Variants in FARS2 observed in about 807,000 individuals in gnomAD.
FARS2 encodes the protein phenylalanyl-tRNA synthetase 2, mitochondrial.
A neutral mutation model predicts 46.4 loss-of-function variants in FARS2; 40 were observed. That is an observed-to-expected ratio of 0.86 (90% CI 0.67 to 1.12). The LOEUF is 1.12. Among genes scored for constraint, FARS2 ranks in the 50% most tolerant of loss-of-function variants. FARS2 has a pLI of 0.00. For synonymous variants in FARS2, 234 were observed against 214.9 expected (o/e 1.09, Z -0.78); for missense variants, 513 against 567.9 (o/e 0.90, Z 0.98).
At chr6:5,323,910 G>A (rs1770161071) in intron 1 of FARS2, among the ~76,000 whole-genome samples, 1 of 152,096 alleles carries the variant, frequency 6.6e-6, no homozygotes, top group Admixed American at 6.6e-5. Context: ...ACTCCTCCCT[G>A]ACCAGAGACA....
rs148492388 is a variant in FARS2 at position 5,321,828 on chromosome 6, G to A, written c.-21-46722G>A. Among the ~76,000 whole-genome samples, 48 of 152,160 alleles carry A rather than the reference G, an allele frequency of 3.2e-4. No individual in the cohort carries two copies. The East Asian group carries it at 4.8e-3, about 15-fold the overall frequency. ...TTAGGAAGTCAAGTAGCCGTTTCCC[G>A]GAATCTTTAGTAAAGATTAACTAGA... On this transcript the variant is annotated intron_variant, in intron 1 of 6. Transcript: ENST00000274680.
At chr6:5,505,600 G>A (rs555085913) in intron 4 of FARS2, among the ~76,000 whole-genome samples, 209 of 152,262 alleles carry the variant, frequency 1.4e-3, no homozygotes, top group African/African-American at 4.8e-3. Flanking sequence ...CACAATCCAC[G>A]TTCTTCTGCC....
At chr6:5,652,684 G>A (rs532236876) in intron 6 of FARS2, among the ~76,000 whole-genome samples, 13 of 152,366 alleles carry the variant, frequency 8.5e-5, no homozygotes, top group African/African-American at 2.6e-4. Context: ...ATGAGCGCTT[G>A]TTACCGTCCG....
At chr6:5,767,050 T>A (rs1333194623) in intron 6 of FARS2, among the ~76,000 whole-genome samples, 1 of 151,756 alleles carries the variant, frequency 6.6e-6, no homozygotes, top group Non-Finnish European at 1.5e-5. Flanking sequence ...ATTTTGTTAA[T>A]CCATCCAAAA....
intron 4 of FARS2, among the ~76,000 whole-genome samples, chr6:5,500,488 G>A (rs998266566): frequency 6.6e-5 from 10 of 152,228 alleles, no homozygotes; most frequent in African/African-American, 2.4e-4. Flanking sequence ...CCACACCAGC[G>A]GAGGGTGGGG....
At chr6:5,463,838 T>A (rs1428778893) in intron 4 of FARS2, among the ~76,000 whole-genome samples, 1 of 152,230 alleles carries the variant, frequency 6.6e-6, no homozygotes, top group Non-Finnish European at 1.5e-5. Context: ...TTCATTTTCC[T>A]TCTGGTTTAC....
At chr6:5,412,084 G>C (rs1230317983) in intron 3 of FARS2, among the ~76,000 whole-genome samples, 1 of 152,152 alleles carries the variant, frequency 6.6e-6, no homozygotes, top group Non-Finnish European at 1.5e-5. Context: ...TGGGACCCTT[G>C]GGGGAGTCAT....
chr6:5,531,063 G>C (rs1414470025), intron 4 of FARS2, among the ~76,000 whole-genome samples: 1 of 152,040 alleles, frequency 6.6e-6, no homozygotes, highest in Non-Finnish European at 1.5e-5. Flanking sequence ...TTGAGTGATA[G>C]CATCTGATGT....
chr6:5,322,525 A>C (rs1311396533), intron 1 of FARS2, among the ~76,000 whole-genome samples: 1 of 152,128 alleles, frequency 6.6e-6, no homozygotes, highest in Non-Finnish European at 1.5e-5. Flanking sequence ...AATGCATTGG[A>C]TGCATTAAGT....
intron 4 of FARS2, among the ~76,000 whole-genome samples, chr6:5,527,566 C>CATTATA (rs2150444825): frequency 6.6e-6 from 1 of 152,310 alleles, no homozygotes; most frequent in South Asian, 2.1e-4. Context: ...ATGGATATGA[C>CATTATA]TCACATTATA....
At chr6:5,555,652 G>A (rs577321672) in intron 5 of FARS2, among the ~76,000 whole-genome samples, 131 of 152,154 alleles carry the variant, frequency 8.6e-4, no homozygotes, top group Middle Eastern at 3.4e-3. Context: ...GAATCGCATC[G>A]GCTTCATTGT....
chr6:5,739,830 T>C (rs1310719184), intron 6 of FARS2, among the ~76,000 whole-genome samples: 2 of 151,382 alleles, frequency 1.3e-5, no homozygotes, highest in East Asian at 3.9e-4. Context: ...GGCAGGGGAG[T>C]TGACCTGGGT....
chr6:5,716,064 T>C (rs1759474270), intron 6 of FARS2, among the ~76,000 whole-genome samples: 1 of 152,262 alleles, frequency 6.6e-6, no homozygotes, highest in Non-Finnish European at 1.5e-5. Flanking sequence ...TGATGGCCAG[T>C]AATATTGAGA....
chr6:5,345,185 G>A (rs903657491), intron 1 of FARS2, among the ~76,000 whole-genome samples: 1 of 146,642 alleles, frequency 6.8e-6, no homozygotes, highest in Non-Finnish European at 1.5e-5. Flanking sequence ...GGCGACTAAA[G>A]AAATAATAGT....
At chr6:5,623,041 C>T (rs1297773562) in intron 6 of FARS2, among the ~76,000 whole-genome samples, 1 of 152,184 alleles carries the variant, frequency 6.6e-6, no homozygotes, top group African/African-American at 2.4e-5. Context: ...TGAGTCCTGA[C>T]TTTCACACCT....
intron 5 of FARS2, among the ~76,000 whole-genome samples, chr6:5,591,494 C>T (rs1773916053): frequency 6.6e-6 from 1 of 152,236 alleles, no homozygotes; most frequent in South Asian, 2.1e-4. Flanking sequence ...TGCCTCTGGC[C>T]TGAACGCCTC....
chr6:5,692,134 C>A (rs1044988440), intron 6 of FARS2, among the ~76,000 whole-genome samples: 1 of 152,230 alleles, frequency 6.6e-6, no homozygotes, highest in Non-Finnish European at 1.5e-5. Flanking sequence ...CCTTGTGCTT[C>A]CCGGGTGAGG....
At chr6:5,251,796 A>C in the FARS2 span, among the ~76,000 whole-genome samples, 3 of 152,194 alleles carry the variant, frequency 2.0e-5, no homozygotes, top group African/African-American at 7.2e-5. Context: ...AGAGGCAGTC[A>C]CTGTTAAAAG....
At chr6:5,756,915 T>G (rs572069846) in intron 6 of FARS2, among the ~76,000 whole-genome samples, 91 of 152,338 alleles carry the variant, frequency 6.0e-4, no homozygotes, top group African/African-American at 2.0e-3. Context: ...GCTCATTTAT[T>G]TGCCCAGTAA....
Sources: allele counts gnomAD v4.1 joint callset (sites outside exome capture counted in the v4.1 genomes callset), GRCh38; gene constraint gnomAD v4.1.1; transcripts MANE v1.5; gene names NCBI Gene and HGNC (gene_info 2026-07-23, HGNC 2026-07-21).